HDAC9: variants seen among roughly 807,000 people sequenced by gnomAD.
HDAC9 encodes MEF-2 interacting transcription repressor (MITR) protein.
HDAC9 carries 41 observed loss-of-function variants against 139.4 expected under a neutral mutation model. The observed-to-expected ratio is 0.29, with a 90% confidence interval of 0.23 to 0.38. HDAC9 has a LOEUF of 0.38. HDAC9 is among the 10% of genes least tolerant of loss of function. HDAC9 has a pLI of 1.00. For missense variants in HDAC9, 1,147 were observed against 1,297.0 expected (o/e 0.88, Z 1.78); for synonymous variants, 517 against 476.2 (o/e 1.09, Z -1.12).
chr7:18,157,996 A>G (rs772398145), intron 1 of HDAC9, among the ~76,000 whole-genome samples: 27 of 152,312 alleles, frequency 1.8e-4, no homozygotes, highest in South Asian at 6.2e-4. Context: ...TCTCAATTTG[A>G]GAAGAGAAGG....
intron 22 of HDAC9, among the ~76,000 whole-genome samples, chr7:18,913,961 A>G (rs1044521816): frequency 6.6e-6 from 1 of 152,038 alleles, no homozygotes; most frequent in African/African-American, 2.4e-5. Context: ...CTATGGTCTG[A>G]ATGTTTGTGT....
At chr7:18,810,947 C>G (rs1794126511) in intron 17 of HDAC9, among the ~76,000 whole-genome samples, 1 of 151,756 alleles carries the variant, frequency 6.6e-6, no homozygotes, top group African/African-American at 2.4e-5. Context: ...AGAAACTTTT[C>G]CAAATTTGTT....
chr7:18,548,271 T>C (rs533171278), intron 2 of HDAC9, among the ~76,000 whole-genome samples: 1 of 152,170 alleles, frequency 6.6e-6, no homozygotes, highest in South Asian at 2.1e-4. Context: ...CCAAAACAAT[T>C]ACACTAGTAA....
intron 2 of HDAC9, among the ~76,000 whole-genome samples, chr7:18,268,082 C>T (rs994220911): frequency 7.9e-5 from 12 of 152,118 alleles, no homozygotes; most frequent in African/African-American, 2.7e-4. Context: ...ATGTGCCTTT[C>T]TTGATCAATT....
At chr7:18,910,878 A>G (rs777130492) in intron 22 of HDAC9, among the ~76,000 whole-genome samples, 2 of 151,906 alleles carry the variant, frequency 1.3e-5, no homozygotes, top group South Asian at 2.1e-4. Context: ...TTTTGCATCT[A>G]TATTCATTGG....
At chr7:18,392,448 T>G (rs1786620275) in intron 1 of HDAC9, among the ~76,000 whole-genome samples, 1 of 151,206 alleles carries the variant, frequency 6.6e-6, no homozygotes, top group Non-Finnish European at 1.5e-5. Context: ...TAGACAGATA[T>G]TCTTAATGGG....
At chr7:18,375,517 C>T (rs961920848) in intron 1 of HDAC9, among the ~76,000 whole-genome samples, 2 of 151,948 alleles carry the variant, frequency 1.3e-5, no homozygotes, top group Non-Finnish European at 2.9e-5. Flanking sequence ...TTATATAATG[C>T]GGTTGGTATA....
intron 21 of HDAC9, among the ~76,000 whole-genome samples, chr7:18,867,157 G>C (rs1798558626): frequency 6.6e-6 from 1 of 152,172 alleles, no homozygotes; most frequent in Non-Finnish European, 1.5e-5. Flanking sequence ...AGACATGCAG[G>C]GAAGAAGGAA....
At chr7:18,746,064 T>A (rs1584962511) in intron 13 of HDAC9, among the ~76,000 whole-genome samples, 1 of 150,744 alleles carries the variant, frequency 6.6e-6, no homozygotes, top group East Asian at 2.0e-4. Context: ...GGAGACAGGG[T>A]CTCCCTATGT....
intron 1 of HDAC9, among the ~76,000 whole-genome samples, chr7:18,118,555 A>G (rs1784165193): frequency 6.6e-6 from 1 of 152,154 alleles, no homozygotes; most frequent in Non-Finnish European, 1.5e-5. Flanking sequence ...TGTCTGAGCT[A>G]CTTAGGATAT....
chr7:18,529,698 T>C (rs2128232981), intron 2 of HDAC9, among the ~76,000 whole-genome samples: 1 of 152,326 alleles, frequency 6.6e-6, no homozygotes, highest in South Asian at 2.1e-4. Context: ...CTTTAGTTGT[T>C]TTAGAATTAA....
intron 2 of HDAC9, among the ~76,000 whole-genome samples, chr7:18,164,997 C>T (rs1787905436): frequency 6.6e-6 from 1 of 152,206 alleles, no homozygotes; most frequent in South Asian, 2.1e-4. Flanking sequence ...TCCTTAGGGA[C>T]AGCACCCTTT....
intron 25 of HDAC9, among the ~76,000 whole-genome samples, chr7:18,979,727 G>A (rs1055934476): frequency 7.2e-5 from 11 of 152,046 alleles, no homozygotes; most frequent in African/African-American, 1.9e-4. Context: ...ATTGGGGAGC[G>A]GGTACATCAC....
At position 18,999,132 on chromosome 7, in the gene HDAC9, T is replaced by G. The variant is rs944592815; in HGVS notation, c.*3070T>G. ...GCTTTGGAGAAAATAGAGATATTTA[T>G]GAAAAAACTACTACAAATCACATTT... On this transcript the variant is annotated 3_prime_UTR_variant, in exon 26 of 26. Coordinates refer to ENST00000686413, the MANE Select transcript of HDAC9 (RefSeq NM_178425.4). 6.6e-6 allele frequency: 1 copy of G among 152,182 alleles called. No homozygotes were observed. Among genetic ancestry groups the G allele is most frequent in the Non-Finnish European group, 1.5e-5 (1 of 68,040 alleles). 9.4% of individuals were successfully genotyped at this position (152,182 alleles called of 1,614,324 possible). A position where few individuals can be genotyped will look rare whatever the true frequency, so the allele number is the denominator to read the frequency against.
At position 18,599,547 on chromosome 7, in the gene HDAC9, C is replaced by T. The variant is rs992955618; in HGVS notation, c.664+5518C>T. On this transcript the variant is annotated intron_variant, in intron 6 of 25. Transcript: ENST00000686413. The stretch of plus-strand genomic sequence containing the variant: ...CCTTCTGCAGAATGTCATAGGGCTA[C>T]GATATGTGGCCTTTTCAAACTGGCT... 3.3e-5 allele frequency among the ~76,000 whole-genome samples: 5 copies of T among 152,214 alleles called. No individual in the cohort carries two copies. In the East Asian group the frequency reaches 5.8e-4, roughly 18 times the overall value.
At chr7:18,628,824 A>C (rs1781460419) in intron 6 of HDAC9, among the ~76,000 whole-genome samples, 1 of 152,132 alleles carries the variant, frequency 6.6e-6, no homozygotes, top group African/African-American at 2.4e-5. Context: ...CCAAGGTTTT[A>C]GATTAGAAAC....
chr7:18,245,610 C>T (rs959776484), intron 2 of HDAC9, among the ~76,000 whole-genome samples: 1 of 152,152 alleles, frequency 6.6e-6, no homozygotes, highest in African/African-American at 2.4e-5. Context: ...AGGCTAACTT[C>T]AAGGACACTG....
rs561767690 is a variant in HDAC9, at chr7:18,563,492, C to T, written c.23-21789C>T. On this transcript the variant is annotated intron_variant, in intron 2 of 25. Coordinates refer to ENST00000686413, the MANE Select transcript of HDAC9 (RefSeq NM_178425.4). The stretch of plus-strand genomic sequence containing the variant: ...TTCCCCATTTTCCATCCCCTAATAT[C>T]TTTTACTCAGAAAATTTTCTTATAA... Among the ~76,000 whole-genome samples, 640 of 152,208 alleles carry T rather than the reference C, an allele frequency of 4.2e-3. 1 individual carries two copies. The highest frequency in any genetic ancestry group is 6.0e-3 in the Non-Finnish European group (406 of 67,984).
intron 1 of HDAC9, among the ~76,000 whole-genome samples, chr7:18,306,127 A>G (rs1468310215): frequency 1.3e-5 from 2 of 152,228 alleles, no homozygotes; most frequent in East Asian, 3.9e-4. Flanking sequence ...TTGGTGTGCT[A>G]GGTAACTAAA....
Sources: gnomAD v4.1 joint callset for allele counts (sites outside exome capture counted in the v4.1 genomes callset) on GRCh38, gnomAD v4.1.1 for gene constraint, MANE v1.5 for transcripts, NCBI Gene and HGNC (gene_info 2026-07-23, HGNC 2026-07-21) for gene names.